The following DMD variants were observed in gnomAD, a reference collection of about 807,000 sequenced individuals.
The protein encoded by DMD is mutant dystrophin.
A neutral mutation model predicts 330.1 loss-of-function variants in DMD; 63 were observed. The ratio of observed to expected loss-of-function variants is 0.19; its 90% CI spans 0.16 to 0.24. The LOEUF is 0.24. DMD is among the 10% of genes least tolerant of loss of function. DMD has a pLI of 1.00. For missense variants in DMD, 3,344 were observed against 2,684.1 expected (o/e 1.25, Z -5.43); for synonymous variants, 1,223 against 959.8 (o/e 1.27, Z -5.07).
At chrX:32,845,925 T>TC (rs1450903672) in intron 3 of DMD, among the ~76,000 whole-genome samples, 1 of 112,161 alleles carries the variant, frequency 8.9e-6, no homozygotes, top group African/African-American at 3.2e-5. Flanking sequence ...CGACATACTT[T>TC]CTTCTCTGCA....
At chrX:32,117,983 C>A (rs1220209298) in intron 44 of DMD, among the ~76,000 whole-genome samples, 1 of 110,957 alleles carries the variant, frequency 9.0e-6, no homozygotes, top group Non-Finnish European at 1.9e-5. Context: ...TTTCTTACCT[C>A]AAGTTCACGT....
At chrX:31,975,515 T>TA (rs2095429764) in intron 44 of DMD, among the ~76,000 whole-genome samples, 6 of 111,754 alleles carry the variant, frequency 5.4e-5, no homozygotes, top group Admixed American at 3.8e-4. Context: ...CTTTCCCTGA[T>TA]AAAAAGGCAT....
At chrX:33,073,764 G>A (rs369863351) in intron 1 of DMD, among the ~76,000 whole-genome samples, 9 of 109,449 alleles carry the variant, frequency 8.2e-5, no homozygotes, top group East Asian at 2.9e-4. Flanking sequence ...CCTGGCAGGC[G>A]GAGGTTGCAG....
chrX:31,576,503 G>A (rs1234630331), intron 55 of DMD, among the ~76,000 whole-genome samples: 1 of 108,329 alleles, frequency 9.2e-6, no homozygotes, highest in East Asian at 2.9e-4. Context: ...CTGTTAATAT[G>A]TACGTTCTCA....
At chrX:32,454,169 T>G (rs1434839750) in intron 26 of DMD, among the ~76,000 whole-genome samples, 2 of 111,387 alleles carry the variant, frequency 1.8e-5, no homozygotes, top group Non-Finnish European at 3.8e-5. Context: ...TTTGTCCTAT[T>G]GTTTCAAGAA....
intron 55 of DMD, among the ~76,000 whole-genome samples, chrX:31,510,986 A>G (rs772707059): frequency 1.8e-5 from 2 of 111,788 alleles, no homozygotes; most frequent in East Asian, 5.6e-4. Flanking sequence ...TATGAACCAT[A>G]CCAAGAAATG....
chrX:31,646,969 C>A (rs189703353), intron 54 of DMD, among the ~76,000 whole-genome samples: 1 of 112,118 alleles, frequency 8.9e-6, no homozygotes, highest in Admixed American at 9.5e-5. Context: ...TCCAGGGAGC[C>A]CAGTCTAAGT....
rs749621366 is a variant in DMD at position 33,013,839 on chromosome X, G to A, written c.93+6300C>T. Among the ~76,000 whole-genome samples, 50 of 112,006 alleles carry A rather than the reference G, an allele frequency of 4.5e-4. 1 individual carries two copies. Among genetic ancestry groups the A allele is most frequent in the Non-Finnish European group, 7.0e-4 (37 of 53,092 alleles). ...TATGTATGTGTGTGTGTGTGTGCGC[G>A]CACGCGCGTGTGTGTGTTTGTGTGT... On this transcript the variant is annotated intron_variant, in intron 2 of 78. Transcript: ENST00000357033.
intron 13 of DMD, among the ~76,000 whole-genome samples, chrX:32,589,023 T>G (rs924953532): frequency 8.9e-6 from 1 of 111,856 alleles, no homozygotes; most frequent in Admixed American, 9.5e-5. Flanking sequence ...GAAAATGGAC[T>G]CAGGAAAGAT....
intron 42 of DMD, among the ~76,000 whole-genome samples, chrX:32,300,457 G>A (rs1231440885): frequency 9.0e-6 from 1 of 110,898 alleles, no homozygotes; most frequent in East Asian, 2.8e-4. Context: ...ATGCCACAGA[G>A]CATCAACAAG....
At chrX:32,725,341 T>A (rs1176919081) in intron 7 of DMD, among the ~76,000 whole-genome samples, 1 of 110,961 alleles carries the variant, frequency 9.0e-6, no homozygotes, top group Non-Finnish European at 1.9e-5. Context: ...GGTATATATA[T>A]GTATATGCAT....
chrX:32,056,518 C>A (rs1189956640), intron 44 of DMD, among the ~76,000 whole-genome samples: 1 of 109,238 alleles, frequency 9.2e-6, no homozygotes, highest in East Asian at 2.9e-4. Flanking sequence ...TGTATGTTAA[C>A]CTAGAAAAAA....
intron 61 of DMD, among the ~76,000 whole-genome samples, chrX:31,329,563 C>T (rs2056979652): frequency 8.9e-6 from 1 of 111,759 alleles, no homozygotes; most frequent in Admixed American, 9.5e-5. Flanking sequence ...AATTGTTATT[C>T]AATGAGTATA....
At chrX:31,241,303 C>G (rs894436502) in intron 63 of DMD, among the ~76,000 whole-genome samples, 4 of 111,130 alleles carry the variant, frequency 3.6e-5, no homozygotes, top group Non-Finnish European at 7.5e-5. Flanking sequence ...CCCTGCTTTG[C>G]AATGTGAGAA....
At chrX:31,530,671 AT>A (rs1176859928) in intron 55 of DMD, among the ~76,000 whole-genome samples, 7,229 of 55,792 alleles carry the variant, frequency 0.13, 359 homozygotes, top group African/African-American at 0.21. Context: ...TTTTTTTTTA[AT>A]TTTTTTTTTT....
At chrX:32,174,931 T>C (rs1361123956) in intron 44 of DMD, among the ~76,000 whole-genome samples, 1 of 111,637 alleles carries the variant, frequency 9.0e-6, no homozygotes, top group Non-Finnish European at 1.9e-5. Flanking sequence ...GGGGAATATA[T>C]AGAGAGCCTC....
chrX:32,529,238 T>C (rs1051966567), intron 17 of DMD, among the ~76,000 whole-genome samples: 1 of 108,543 alleles, frequency 9.2e-6, no homozygotes, highest in African/African-American at 3.4e-5. Context: ...CCAATGTATT[T>C]CTTAAATGTA....
intron 50 of DMD, among the ~76,000 whole-genome samples, chrX:31,816,365 T>G (rs2092625111): frequency 9.0e-6 from 1 of 111,239 alleles, no homozygotes; most frequent in Non-Finnish European, 1.9e-5. Context: ...ACAAGCAACT[T>G]TAGGCCTCAG....
chrX:31,176,054 C>A (rs2040474257), intron 71 of DMD, among the ~76,000 whole-genome samples: 1 of 111,391 alleles, frequency 9.0e-6, no homozygotes, highest in Non-Finnish European at 1.9e-5. Flanking sequence ...ACATTAGATA[C>A]AAGTCTTGCA....
Sources: gnomAD v4.1 joint callset for allele counts (sites outside exome capture counted in the v4.1 genomes callset) on GRCh38, gnomAD v4.1.1 for gene constraint, MANE v1.5 for transcripts, NCBI Gene and HGNC (gene_info 2026-07-23, HGNC 2026-07-21) for gene names.